TACR1: variants seen among roughly 807,000 people sequenced by gnomAD.
The protein encoded by TACR1 is tachykinin receptor 1.
Under a neutral mutation model 35.8 loss-of-function variants are expected in TACR1, and 25 were observed. The observed-to-expected ratio is 0.70, with a 90% confidence interval of 0.51 to 0.98. The LOEUF is 0.98. Ranked by LOEUF, TACR1 falls within the 50% of genes least tolerant of loss-of-function variation. TACR1 has a pLI of 0.00. For synonymous variants in TACR1, 195 were observed against 206.7 expected (o/e 0.94, Z 0.48); for missense variants, 478 against 522.9 (o/e 0.91, Z 0.84).
chr2:75,083,358 G>A (rs1428477997), intron 2 of TACR1, among the ~76,000 whole-genome samples: 126 of 152,202 alleles, frequency 8.3e-4, no homozygotes, highest in African/African-American at 2.6e-3. Context: ...GTCAGGTAGC[G>A]TGATGCCTCC....
chr2:75,150,348 A>T (rs766152927), intron 1 of TACR1, among the ~76,000 whole-genome samples: 73 of 152,194 alleles, frequency 4.8e-4, no homozygotes, highest in Non-Finnish European at 9.0e-4. Context: ...CGCAAATCTC[A>T]ACTTGAATTG....
intron 1 of TACR1, among the ~76,000 whole-genome samples, chr2:75,141,204 T>G (rs7583841): frequency 0.079 from 11,993 of 152,166 alleles, 982 homozygotes; most frequent in African/African-American, 0.21. Context: ...TGGGATCTTC[T>G]AGCTCCTCCA....
At chr2:75,169,178 G>A (rs528123774) in intron 1 of TACR1, among the ~76,000 whole-genome samples, 1 of 151,548 alleles carries the variant, frequency 6.6e-6, no homozygotes, top group East Asian at 1.9e-4. Context: ...TCATTTTTTG[G>A]TTTCAATTTA....
At chr2:75,159,191 A>G (rs1043197502) in intron 1 of TACR1, among the ~76,000 whole-genome samples, 6 of 152,036 alleles carry the variant, frequency 3.9e-5, no homozygotes, top group African/African-American at 1.2e-4. Context: ...TTCAGAAAGT[A>G]TATCCTGAAC....
chr2:75,172,787 A>G lies in TACR1; in HGVS notation c.389+25759T>C, dbSNP rs143334720. ...TATAGTTTTGGAGGCTAGAAGTCCA[A>G]GGTCCAGAAATTGGCAGAGTTGGTT... On this transcript the variant is annotated intron_variant, in intron 1 of 4. Coordinates refer to ENST00000305249, the MANE Select transcript of TACR1 (RefSeq NM_001058.4). Among the ~76,000 whole-genome samples the G allele has an allele frequency of 5.6e-3, 859 of 152,304 alleles. 13 individuals carry two copies. Among genetic ancestry groups the G allele is most frequent in the African/African-American group, 0.02 (829 of 41,554 alleles).
At chr2:75,064,034 G>C (rs1672721604) in intron 2 of TACR1, among the ~76,000 whole-genome samples, 1 of 151,866 alleles carries the variant, frequency 6.6e-6, no homozygotes, top group Admixed American at 6.6e-5. Flanking sequence ...GAATGTTGTT[G>C]GTCTGCCTTG....
intron 2 of TACR1, among the ~76,000 whole-genome samples, chr2:75,074,953 C>CCCCT (rs1330444844): frequency 6.6e-6 from 1 of 152,198 alleles, no homozygotes; most frequent in Admixed American, 6.5e-5. Flanking sequence ...TCCAGGAAAA[C>CCCCT]CAGGATGGTT....
intron 1 of TACR1, among the ~76,000 whole-genome samples, chr2:75,126,775 G>C (rs1558561955): frequency 1.3e-5 from 2 of 152,128 alleles, no homozygotes; most frequent in Non-Finnish European, 2.9e-5. Context: ...GCATCTGTAA[G>C]GGACTTAAAC....
At chr2:75,144,067 G>T (rs1674459806) in intron 1 of TACR1, among the ~76,000 whole-genome samples, 1 of 152,184 alleles carries the variant, frequency 6.6e-6, no homozygotes, top group Admixed American at 6.5e-5. Context: ...TATTTTCCTA[G>T]TTTCCACGAT....
intron 1 of TACR1, among the ~76,000 whole-genome samples, chr2:75,193,870 A>G (rs1354581323): frequency 4.6e-5 from 7 of 152,178 alleles, no homozygotes; most frequent in Non-Finnish European, 1.0e-4. Context: ...GCCTTCATAT[A>G]TAGCCCTTTG....
At chr2:75,061,621 C>T (rs1672675543) in intron 2 of TACR1, among the ~76,000 whole-genome samples, 1 of 152,184 alleles carries the variant, frequency 6.6e-6, no homozygotes, top group Admixed American at 6.5e-5. Flanking sequence ...ACCAAGCCTC[C>T]ATCAACTGCA....
intron 2 of TACR1, among the ~76,000 whole-genome samples, chr2:75,095,885 C>G (rs1386214539): frequency 1.3e-5 from 2 of 152,198 alleles, no homozygotes; most frequent in African/African-American, 4.8e-5. Flanking sequence ...CCTCCATCAC[C>G]TAAGTTCCTG....
intron 1 of TACR1, chr2:75,187,624 G>T (rs532511929): frequency 6.6e-6 from 1 of 152,274 alleles, no homozygotes; most frequent in East Asian, 1.9e-4. Flanking sequence ...CATATTGTTT[G>T]TACCGTAGTG....
intron 2 of TACR1, among the ~76,000 whole-genome samples, chr2:75,066,590 G>T (rs1405885753): frequency 6.6e-6 from 1 of 152,176 alleles, no homozygotes; most frequent in African/African-American, 2.4e-5. Flanking sequence ...TTCATGTTTG[G>T]ATTCATTCTT....
chr2:75,152,394 C>CAT (rs1219219009), intron 1 of TACR1, among the ~76,000 whole-genome samples: 1 of 152,160 alleles, frequency 6.6e-6, no homozygotes, highest in African/African-American at 2.4e-5. Context: ...GAATAAGTCT[C>CAT]ATGAGATCTG....
At chr2:75,137,445 G>T (rs903978954) in intron 1 of TACR1, among the ~76,000 whole-genome samples, 1 of 151,918 alleles carries the variant, frequency 6.6e-6, no homozygotes, top group Non-Finnish European at 1.5e-5. Context: ...CCAGCTGTCG[G>T]CAGGGCATGG....
intron 1 of TACR1, among the ~76,000 whole-genome samples, chr2:75,131,771 T>C (rs2103930469): frequency 1.3e-5 from 2 of 152,348 alleles, no homozygotes; most frequent in Admixed American, 1.3e-4. Context: ...CTACATAGTA[T>C]TTTAAAAGTG....
chr2:75,199,001 T>A lies in TACR1; in HGVS notation c.-67A>T. On this transcript the variant is annotated 5_prime_UTR_variant, in exon 1 of 5. Transcript: ENST00000305249. ...CCCCTCTGCAGCAGAGTCCTGTGGCTGGCGCCTGGGGCTCAGGGTCCTTCT... is the reference window on the plus strand; with the variant it reads ...CCCCTCTGCAGCAGAGTCCTGTGGCAGGCGCCTGGGGCTCAGGGTCCTTCT... 6.4e-7 allele frequency: 1 copy of A among 1,558,318 alleles called. No homozygotes were observed. Among genetic ancestry groups the A allele is most frequent in the Non-Finnish European group, 8.7e-7 (1 of 1,149,730 alleles).
chr2:75,094,859 A>ATATATATATATATTTTTTT, intron 2 of TACR1, among the ~76,000 whole-genome samples: 2 of 113,132 alleles, frequency 1.8e-5, no homozygotes, highest in African/African-American at 9.6e-5. Context: ...ATATATATAT[A>ATATATATATATATTTTTTT]TTTTTTTTTT....
Sources: allele counts gnomAD v4.1 joint callset (sites outside exome capture counted in the v4.1 genomes callset), GRCh38; gene constraint gnomAD v4.1.1; transcripts MANE v1.5; gene names NCBI Gene and HGNC (gene_info 2026-07-23, HGNC 2026-07-21).